Variants in CACNA1C observed in about 807,000 individuals in gnomAD.
The protein encoded by CACNA1C is calcium voltage-gated channel subunit alpha1 C, also known as voltage-dependent L-type calcium channel subunit alpha-1C.
CACNA1C carries 30 observed loss-of-function variants against 229.0 expected under a neutral mutation model. The observed-to-expected ratio is 0.13, with a 90% CI of 0.10 to 0.18. The LOEUF is 0.18. Among genes scored for constraint, CACNA1C ranks in the 10% least tolerant of loss-of-function variants. The pLI, the probability that CACNA1C is intolerant of heterozygous loss-of-function variation, is 1.00. For synonymous variants in CACNA1C, 1,114 were observed against 1,132.5 expected, an observed-to-expected ratio of 0.98 and a Z score of 0.33; for missense variants, 1,658 against 2,845.0, an observed-to-expected ratio of 0.58 and a Z score of 9.49.
intron 29 of CACNA1C, chr12:2,612,391 C>CGA: frequency 5.7e-6 from 1 of 175,534 alleles, no homozygotes; most frequent in Admixed American, 5.8e-5. Flanking sequence ...CCTCTCCAGG[C>CGA]CCAGCCCCCC....
chr12:2,049,766 C>T (rs2051783177), upstream of CACNA1C, among the ~76,000 whole-genome samples: 2 of 152,098 alleles, frequency 1.3e-5, no homozygotes, highest in Admixed American at 1.3e-4. Flanking sequence ...ATGCAGACTC[C>T]CTCCTCTGCT....
chr12:2,005,973 A>T (rs1257890859), intron 1 of CACNA1C, among the ~76,000 whole-genome samples: 1 of 152,258 alleles, frequency 6.6e-6, no homozygotes, highest in East Asian at 1.9e-4. Context: ...CATTATCTAC[A>T]TATGAGGCCA....
intron 3 of CACNA1C, among the ~76,000 whole-genome samples, chr12:2,218,576 G>A (rs560775809): frequency 2.0e-5 from 3 of 152,148 alleles, no homozygotes; most frequent in Admixed American, 6.5e-5. Context: ...AGAGCTCAGC[G>A]CATCTTTCAG....
intron 3 of CACNA1C, among the ~76,000 whole-genome samples, chr12:2,394,684 C>G (rs1429512573): frequency 2.0e-5 from 3 of 152,052 alleles, no homozygotes; most frequent in African/African-American, 7.3e-5. Flanking sequence ...TAGGAAGGGC[C>G]CCAGGTGTAG....
At chr12:2,123,766 A>G (rs1055847886) in intron 3 of CACNA1C, among the ~76,000 whole-genome samples, 29 of 152,176 alleles carry the variant, frequency 1.9e-4, no homozygotes, top group African/African-American at 6.5e-4. Context: ...TGTAATTTGC[A>G]ATGTATCACA....
chr12:2,351,559 C>T (rs2097203069), intron 3 of CACNA1C, among the ~76,000 whole-genome samples: 1 of 152,312 alleles, frequency 6.6e-6, no homozygotes, highest in African/African-American at 2.4e-5. Context: ...TCAAGGGTGG[C>T]TGATGCAGGA....
At chr12:2,638,652 G>A (rs147062159) in intron 30 of CACNA1C, among the ~76,000 whole-genome samples, 332 of 152,234 alleles carry the variant, frequency 2.2e-3, no homozygotes, top group African/African-American at 7.5e-3. Flanking sequence ...CAGTAGAAGC[G>A]GTGGAAAATG....
chr12:2,098,893 A>T (rs1444831505), intron 1 of CACNA1C, among the ~76,000 whole-genome samples: 1 of 152,332 alleles, frequency 6.6e-6, no homozygotes, highest in East Asian at 1.9e-4. Flanking sequence ...GGGGTGTGGT[A>T]TCATCTCAGT....
chr12:2,291,640 G>A (rs1343643682), intron 3 of CACNA1C, among the ~76,000 whole-genome samples: 6 of 152,188 alleles, frequency 3.9e-5, no homozygotes, highest in Non-Finnish European at 8.8e-5. Context: ...TGGCTGTGAC[G>A]GAGCAGAGCT....
chr12:2,225,053 G>C (rs2062574219), intron 3 of CACNA1C, among the ~76,000 whole-genome samples: 2 of 152,154 alleles, frequency 1.3e-5, no homozygotes. Context: ...GTGAAGGCTT[G>C]TCAAGGCTCC....
intron 3 of CACNA1C, among the ~76,000 whole-genome samples, chr12:2,244,617 G>A (rs555289493): frequency 6.6e-6 from 1 of 152,320 alleles, no homozygotes; most frequent in African/African-American, 2.4e-5. Context: ...TAGGGCATGA[G>A]GGGTGAAGCC....
rs2096876614 is a variant in CACNA1C at position 2,677,383 on chromosome 12, G to C, written c.4956+162G>C. 3 of 778,730 alleles carry C rather than the reference G, an allele frequency of 3.9e-6. No homozygotes were observed. The highest frequency in any genetic ancestry group is 4.0e-6 in the Non-Finnish European group (2 of 501,226). 48.2% of individuals were successfully genotyped at this position (778,730 alleles called of 1,614,324 possible). On this transcript the variant is annotated intron_variant, in intron 40 of 46. Transcript: ENST00000399655. The surrounding 1 kb of genome is among the most constrained non-coding windows in gnomAD (Gnocchi z 7.4). ...CTTTCCAAAGATGGCTGTGAGAAGG[G>C]GGTGATGTGCCCTTCCCTACCTGCC...
At chr12:2,616,415 GTC>G (rs1302774858) in intron 29 of CACNA1C, among the ~76,000 whole-genome samples, 6 of 152,350 alleles carry the variant, frequency 3.9e-5, no homozygotes, top group Admixed American at 6.5e-5. Context: ...GGGTTAGACA[GTC>G]TCTCGCCCTG....
chr12:2,571,500 T>C (rs141572157), intron 13 of CACNA1C, among the ~76,000 whole-genome samples: 23 of 152,356 alleles, frequency 1.5e-4, no homozygotes, highest in African/African-American at 5.3e-4. Flanking sequence ...ATCTTGCTGC[T>C]ATATATTGTT....
rs559406282 is a variant in CACNA1C, at chr12:2,567,893, C to T, written c.1895+99C>T. 112 of 669,420 alleles carry T rather than the reference C, an allele frequency of 1.7e-4. No homozygotes were observed. The African/African-American group carries it at 1.8e-3, about 11-fold the overall frequency. 41.5% of individuals were successfully genotyped at this position (669,420 alleles called of 1,614,324 possible). A position where few individuals can be genotyped will look rare whatever the true frequency, so the allele number is the denominator to read the frequency against. ...AGGCCTGGGTGGGAGGGGGGCTGTT[C>T]TTCCTCAAAGGGTGTCTCTGAAGTT... On this transcript the variant is annotated intron_variant, in intron 13 of 46. Coordinates refer to ENST00000399655, the MANE Select transcript of CACNA1C (RefSeq NM_000719.7).
chr12:2,003,708 A>G (rs2042707951), intron 1 of CACNA1C, among the ~76,000 whole-genome samples: 1 of 152,198 alleles, frequency 6.6e-6, no homozygotes, highest in South Asian at 2.1e-4. Flanking sequence ...CAAGAGCATC[A>G]GCTTCCTTCT....
chr12:2,445,534 T>C (rs1192223884), intron 3 of CACNA1C, among the ~76,000 whole-genome samples: 2 of 152,068 alleles, frequency 1.3e-5, no homozygotes, highest in Non-Finnish European at 2.9e-5. Context: ...CAGGATAGGC[T>C]TTTTTTGGGA....
chr12:2,082,958 T>G (rs2154057026), intron 1 of CACNA1C, among the ~76,000 whole-genome samples: 1 of 152,334 alleles, frequency 6.6e-6, no homozygotes, highest in Middle Eastern at 3.4e-3. Flanking sequence ...TTTGGTGGTG[T>G]TTGTTTTTTG....
chr12:2,255,846 C>T, intron 3 of CACNA1C, among the ~76,000 whole-genome samples: 1 of 152,274 alleles, frequency 6.6e-6, no homozygotes. Context: ...AGTTTACAAT[C>T]ACAGGATCCT....
Sources: gnomAD v4.1 joint callset for allele counts (sites outside exome capture counted in the v4.1 genomes callset) on GRCh38, gnomAD v4.1.1 for gene constraint, Gnocchi (gnomAD v3.1) non-coding constraint, MANE v1.5 for transcripts, NCBI Gene and HGNC (gene_info 2026-07-23, HGNC 2026-07-21) for gene names.